Variants in TNIP1 observed in about 807,000 individuals in gnomAD.
The protein encoded by TNIP1 is TNFAIP3-interacting protein 1.
Under a neutral mutation model 86.6 loss-of-function variants are expected in TNIP1, and 22 were observed. The ratio of observed to expected loss-of-function variants is 0.25; its 90% CI spans 0.18 to 0.36. TNIP1 has a LOEUF of 0.36. Among genes scored for constraint, TNIP1 ranks in the 10% least tolerant of loss-of-function variants. The pLI is 1.00. For missense variants in TNIP1, 709 were observed against 820.6 expected (o/e 0.86, Z 1.66); for synonymous variants, 294 against 313.0 (o/e 0.94, Z 0.64).
At chr5:151,061,584 C>T (rs1321409307) in intron 4 of TNIP1, among the ~76,000 whole-genome samples, 1 of 152,044 alleles carries the variant, frequency 6.6e-6, no homozygotes, top group Non-Finnish European at 1.5e-5. Context: ...CTCAAGCGAC[C>T]CTTCTGCCTC....
intron 1 of TNIP1, among the ~76,000 whole-genome samples, chr5:151,066,643 T>C (rs1762266020): frequency 6.6e-6 from 1 of 152,234 alleles, no homozygotes; most frequent in African/African-American, 2.4e-5. Context: ...ATGTTTCAGA[T>C]ATACAATCTT....
intron 6 of TNIP1, among the ~76,000 whole-genome samples, chr5:151,053,800 T>C (rs1470229332): frequency 6.6e-6 from 1 of 152,174 alleles, no homozygotes; most frequent in Non-Finnish European, 1.5e-5. Context: ...GGTAAAATGA[T>C]ACAGTCTAAC....
chr5:151,068,356 G>A (rs1012852402), intron 1 of TNIP1, among the ~76,000 whole-genome samples: 3 of 152,150 alleles, frequency 2.0e-5, no homozygotes, highest in African/African-American at 4.8e-5. Flanking sequence ...CCAGAGAGAG[G>A]ACTCATTCTC....
In TNIP1 at chr5:151,034,736, G is replaced by C. The variant is rs556705744; in HGVS notation, c.1587+266C>G. On this transcript the variant is annotated intron_variant, in intron 15 of 17. Transcript: ENST00000521591. Reference sequence around the variant, plus strand: ...CATAGAAAGTTGGATACATGGGCACGGAAGGCTCATACACGGCCAAAGAAG... The same window carrying C: ...CATAGAAAGTTGGATACATGGGCACCGAAGGCTCATACACGGCCAAAGAAG... The C allele has an allele frequency of 1.1e-5, 5 of 475,596 alleles. No homozygotes were observed. The Admixed American group carries it at 1.7e-4, about 17-fold the overall frequency. 29.5% of individuals were successfully genotyped at this position (475,596 alleles called of 1,614,324 possible).
At chr5:151,042,699 T>A (rs765901847) in intron 10 of TNIP1, 28 bp from the exon 11 acceptor site, 2 of 1,613,316 alleles carry the variant, frequency 1.2e-6, no homozygotes. Flanking sequence ...GAGGAGTGTG[T>A]GAGGCAAGGA....
At chr5:151,087,308 A>AGG (rs1277895683), upstream of TNIP1, 1 of 152,364 alleles carries the variant, frequency 6.6e-6, no homozygotes, top group Non-Finnish European at 1.5e-5. Context: ...CTTATTTGTC[A>AGG]GCCTCCACCT....
intron 1 of TNIP1, among the ~76,000 whole-genome samples, chr5:151,068,420 T>C (rs988006934): frequency 6.6e-6 from 1 of 151,984 alleles, no homozygotes; most frequent in Non-Finnish European, 1.5e-5. Context: ...AATCCTGCAT[T>C]ATCAGGTGGG....
intron 13 of TNIP1, among the ~76,000 whole-genome samples, 177 bp from the exon 14 acceptor site, chr5:151,035,884 G>A (rs570311113): frequency 3.3e-5 from 5 of 152,194 alleles, no homozygotes; most frequent in Non-Finnish European, 5.9e-5. Context: ...GAGTAGTTCT[G>A]TGTCCCTCTA....
At chr5:151,055,694 G>C (rs78405841) in intron 6 of TNIP1, among the ~76,000 whole-genome samples, 3,287 of 152,220 alleles carry the variant, frequency 0.022, 48 homozygotes, top group South Asian at 0.057. Context: ...CCAAGGTCAC[G>C]CAAGGGGGAC....
intron 1 of TNIP1, among the ~76,000 whole-genome samples, chr5:151,067,067 C>T (rs1457630220): frequency 2.0e-5 from 3 of 152,198 alleles, no homozygotes; most frequent in East Asian, 1.9e-4. Flanking sequence ...GTGGGAGGCA[C>T]CCACGCCCTG....
At chr5:151,039,288 C>G in intron 11 of TNIP1, 63 bp from the exon 12 acceptor site, 1 of 1,543,148 alleles carries the variant, frequency 6.5e-7, no homozygotes, top group Non-Finnish European at 8.7e-7. Context: ...CTCGGATTCT[C>G]TGTCCTGCCT....
chr5:151,068,007 C>G (rs1280275292), intron 1 of TNIP1, among the ~76,000 whole-genome samples: 1 of 152,146 alleles, frequency 6.6e-6, no homozygotes, highest in Non-Finnish European at 1.5e-5. Context: ...TCTCTTGGCG[C>G]TGGGGAGTCA....
chr5:151,051,133 C>T (rs1424937629), intron 7 of TNIP1, among the ~76,000 whole-genome samples: 2 of 152,184 alleles, frequency 1.3e-5, no homozygotes, highest in African/African-American at 4.8e-5. Flanking sequence ...TGGATGGGGT[C>T]ACTAGGGCTA....
At chr5:151,052,308 C>A in intron 6 of TNIP1, 49 bp from the exon 7 acceptor site, 2 of 1,509,004 alleles carry the variant, frequency 1.3e-6, no homozygotes, top group Admixed American at 3.6e-5. Flanking sequence ...GGGCCCCTCC[C>A]AGGTGCAGGC....
chr5:151,042,450 C>T, intron 11 of TNIP1, 90 bp downstream of exon 11: 1 of 1,543,932 alleles, frequency 6.5e-7, no homozygotes, highest in East Asian at 2.3e-5. Flanking sequence ...CCCGGGTCTC[C>T]TGACTCCTGC....
chr5:151,058,449 A>G (rs1760961892), intron 5 of TNIP1, among the ~76,000 whole-genome samples: 1 of 152,212 alleles, frequency 6.6e-6, no homozygotes, highest in Non-Finnish European at 1.5e-5. Context: ...TCCACTCCCA[A>G]GGACCTGCAG....
chr5:151,039,985 G>T (rs77998950), intron 11 of TNIP1, among the ~76,000 whole-genome samples: 1,536 of 152,276 alleles, frequency 0.01, 30 homozygotes, highest in South Asian at 0.094. Context: ...CCTGTAATAC[G>T]ATGGGAAACA....
chr5:151,045,868 C>T lies in TNIP1; in HGVS notation c.929G>A (p.Arg310His). 1.9e-6 allele frequency: 3 copies of T among 1,613,982 alleles called. No homozygotes were observed. The highest frequency in any genetic ancestry group is 2.2e-5 in the East Asian group (1 of 44,880). The change falls in exon 9 of 18, where the codon CGC (arginine) becomes CAC (histidine). Residue 310 changes from arginine to histidine, a missense_variant. Arg to His is a conservative substitution (Grantham distance 29). Transcript: ENST00000521591. ...EKKVKMLEQQRSELLEVNKQW... is the reference protein window; with the variant it reads ...EKKVKMLEQQHSELLEVNKQW... ...GCCACCTCGGCCACCTACCTCACTG[C>T]GCTGCTGCTCCAGCATCTTCACCTT...
chr5:151,041,569 G>A (rs1011671473), intron 11 of TNIP1, among the ~76,000 whole-genome samples: 1 of 152,072 alleles, frequency 6.6e-6, no homozygotes, highest in African/African-American at 2.4e-5. Context: ...GTGTGGCTAT[G>A]TCACTGAGGT....
Sources: allele counts gnomAD v4.1 joint callset (sites outside exome capture counted in the v4.1 genomes callset), GRCh38; gene constraint gnomAD v4.1.1; transcripts MANE v1.5; gene names NCBI Gene and HGNC (gene_info 2026-07-23, HGNC 2026-07-21).